Variants in NSUN6 observed in about 807,000 individuals in gnomAD.
The protein encoded by NSUN6 is tRNA (cytosine(72)-C(5))-methyltransferase NSUN6.
A neutral mutation model predicts 58.0 loss-of-function variants in NSUN6; 64 were observed. The observed-to-expected ratio is 1.10, with a 90% CI of 0.90 to 1.36. NSUN6 has a LOEUF of 1.36. Ranked by LOEUF, NSUN6 falls within the 40% of genes most tolerant of loss-of-function variation. The pLI, the probability that NSUN6 is intolerant of heterozygous loss-of-function variation, is 0.00. For synonymous variants in NSUN6, 231 were observed against 193.9 expected, an observed-to-expected ratio of 1.19 and a Z score of -1.59; for missense variants, 701 against 550.1, an observed-to-expected ratio of 1.27 and a Z score of -2.74.
At chr10:18,634,523 G>C (rs2059145771) in intron 3 of NSUN6, among the ~76,000 whole-genome samples, 4 of 151,924 alleles carry the variant, frequency 2.6e-5, no homozygotes, top group Admixed American at 2.0e-4. Flanking sequence ...AGGCTGAGGA[G>C]GGTGGATCAC....
At chr10:18,547,299 A>G (rs532336189) in intron 10 of NSUN6, among the ~76,000 whole-genome samples, 1 of 152,348 alleles carries the variant, frequency 6.6e-6, no homozygotes, top group South Asian at 2.1e-4. Context: ...AGGTCAGGGG[A>G]AAACTTCCCA....
At chr10:18,564,512 T>A (rs951180918) in intron 8 of NSUN6, among the ~76,000 whole-genome samples, 2 of 150,458 alleles carry the variant, frequency 1.3e-5, no homozygotes, top group African/African-American at 4.9e-5. Context: ...TTCATTCCAT[T>A]CTCCACTCCA....
chr10:18,638,696 C>T (rs2059296706), intron 3 of NSUN6, among the ~76,000 whole-genome samples: 1 of 152,040 alleles, frequency 6.6e-6, no homozygotes, highest in Middle Eastern at 3.2e-3. Context: ...AACAACCAGA[C>T]TCAGCCAACT....
intron 7 of NSUN6, among the ~76,000 whole-genome samples, chr10:18,593,685 C>T (rs1288096509): frequency 2.0e-5 from 3 of 152,112 alleles, no homozygotes; most frequent in East Asian, 1.9e-4. Context: ...GGGAGGGGAA[C>T]ATCACACACG....
At chr10:18,550,413 G>T (rs963774526) in intron 9 of NSUN6, among the ~76,000 whole-genome samples, 5 of 152,202 alleles carry the variant, frequency 3.3e-5, no homozygotes, top group Non-Finnish European at 5.9e-5. Context: ...CTCAAAGGCA[G>T]CTTTAGAAAC....
At chr10:18,562,783 G>GGAGTGGA (rs1564723356) in intron 8 of NSUN6, among the ~76,000 whole-genome samples, 1 of 28,394 alleles carries the variant, frequency 3.5e-5, no homozygotes, top group Non-Finnish European at 7.0e-5. Context: ...AATGGATAAT[G>GGAGTGGA]GAATGGAATG....
chr10:18,555,161 G>C (rs1035266949), intron 8 of NSUN6, among the ~76,000 whole-genome samples: 4 of 150,494 alleles, frequency 2.7e-5, no homozygotes, highest in Non-Finnish European at 5.9e-5. Flanking sequence ...AATGGAGGAT[G>C]GAATGGAATG....
chr10:18,558,233 G>T (rs1258285796), intron 8 of NSUN6, among the ~76,000 whole-genome samples: 2 of 150,984 alleles, frequency 1.3e-5, no homozygotes, highest in African/African-American at 2.4e-5. Context: ...TAATGGAATG[G>T]GGAGTAGTAT....
In NSUN6 at chr10:18,555,431, T is replaced by C. The variant is rs553229378; in HGVS notation, c.923-3460A>G. 5.6e-3 allele frequency among the ~76,000 whole-genome samples: 726 copies of C among 129,296 alleles called. 3 individuals carry two copies. Among genetic ancestry groups the C allele is most frequent in the African/African-American group, 0.018 (598 of 33,900 alleles). 84.8% of individuals were successfully genotyped at this position (129,296 alleles called of 152,430 possible). On this transcript the variant is annotated intron_variant, in intron 8 of 10. Coordinates refer to ENST00000377304, the MANE Select transcript of NSUN6 (RefSeq NM_182543.5). ...GGAATGGAGAATGCTATGGAATGCA[T>C]TGGAGAATGGAACAGAGTGGAATAG...
rs767372729 is a variant in NSUN6 at position 18,586,083 on chromosome 10, A to G, written c.788T>C (p.Ile263Thr). The change falls in exon 8 of 11, where the codon ATA (isoleucine) becomes ACA (threonine). Residue 263 changes from isoleucine (I) to threonine (T), a missense_variant. Coordinates refer to ENST00000377304, the MANE Select transcript of NSUN6 (RefSeq NM_182543.5). ...TTTGTTGAAGATTTTATCCAGTGCTATAACTTCTCCCTAAAAAGAAACAAA... is the reference window on the plus strand; with the variant it reads ...TTTGTTGAAGATTTTATCCAGTGCTGTAACTTCTCCCTAAAAAGAAACAAA... ...AALMHDQGEV[I>T]ALDKIFNKVE... 3.8e-6 allele frequency: 6 copies of G among 1,578,460 alleles called. No homozygotes were observed. The highest frequency in any genetic ancestry group is 2.0e-5 in the Admixed American group (1 of 50,672).
chr10:18,553,067 A>C (rs984183238), intron 8 of NSUN6, among the ~76,000 whole-genome samples: 1 of 146,776 alleles, frequency 6.8e-6, no homozygotes, highest in Non-Finnish European at 1.5e-5. Context: ...TCCATTCTCC[A>C]TTCCATTAAA....
At chr10:18,605,547 A>C (rs558092099) in intron 6 of NSUN6, among the ~76,000 whole-genome samples, 1 of 152,198 alleles carries the variant, frequency 6.6e-6, no homozygotes, top group Non-Finnish European at 1.5e-5. Flanking sequence ...ATGATTTTTT[A>C]AAATGTCTCC....
chr10:18,632,987 CAA>C (rs1161015223), intron 3 of NSUN6, among the ~76,000 whole-genome samples: 4 of 151,964 alleles, frequency 2.6e-5, no homozygotes, highest in African/African-American at 9.7e-5. Flanking sequence ...TTCACAATAG[CAA>C]AGACTTGGAA....
intron 8 of NSUN6, among the ~76,000 whole-genome samples, chr10:18,552,514 T>A (rs2054668616): frequency 6.6e-6 from 1 of 152,184 alleles, no homozygotes; most frequent in African/African-American, 2.4e-5. Flanking sequence ...AGTAATTTTC[T>A]CTAACTTCTA....
chr10:18,574,254 A>G (rs569842543), intron 8 of NSUN6, among the ~76,000 whole-genome samples: 21 of 152,230 alleles, frequency 1.4e-4, no homozygotes, highest in African/African-American at 4.8e-4. Context: ...CTTTGGAGGA[A>G]AACTGAGAGC....
chr10:18,654,545 C>G (rs1010536673), upstream of NSUN6: 8 of 152,304 alleles, frequency 5.3e-5, no homozygotes, highest in African/African-American at 1.7e-4. Context: ...AGTCTAAGCT[C>G]AAATTTATTT....
At chr10:18,576,763 G>A (rs1564747789) in intron 8 of NSUN6, among the ~76,000 whole-genome samples, 4 of 152,220 alleles carry the variant, frequency 2.6e-5, no homozygotes, top group Middle Eastern at 3.4e-3. Context: ...GCCCTTGTTC[G>A]TCCCCGAGCA....
rs191454374 is a variant in NSUN6, at chr10:18,560,842, T to G, written c.923-8871A>C. On this transcript the variant is annotated intron_variant, in intron 8 of 10. Transcript: ENST00000377304. ...GAACGGAATGGAGAATGGAAGAGAA[T>G]GGAATGGGGTGCAGTGGTGAACAGA... is the stretch of plus-strand genomic sequence containing the variant. Among the ~76,000 whole-genome samples, 230 of 145,554 alleles carry G rather than the reference T, an allele frequency of 1.6e-3. 2 individuals carry two copies. Among genetic ancestry groups the G allele is most frequent in the African/African-American group, 5.7e-3 (224 of 39,094 alleles).
intron 3 of NSUN6, among the ~76,000 whole-genome samples, chr10:18,626,341 A>G (rs2058805173): frequency 6.6e-6 from 1 of 152,116 alleles, no homozygotes; most frequent in African/African-American, 2.4e-5. Context: ...GGAGCTCGAG[A>G]CCAGCCTGGG....
Sources: allele counts gnomAD v4.1 joint callset (sites outside exome capture counted in the v4.1 genomes callset), GRCh38; gene constraint gnomAD v4.1.1; transcripts MANE v1.5; gene names NCBI Gene and HGNC (gene_info 2026-07-23, HGNC 2026-07-21).